Variants in TRIM71 observed in about 807,000 individuals in gnomAD.
TRIM71 encodes E3 ubiquitin-protein ligase TRIM71.
In TRIM71, 9 loss-of-function variants were observed where a neutral mutation model predicts 61.2. The ratio of observed to expected loss-of-function variants is 0.15; its 90% CI spans 0.09 to 0.26. TRIM71 has a LOEUF of 0.26. TRIM71 is among the 10% of genes least tolerant of loss of function. The probability of loss-of-function intolerance (pLI) is 1.00; values close to 1 mark genes in which losing one functional copy is unlikely to be tolerated. For synonymous variants in TRIM71, 645 were observed against 553.2 expected, an observed-to-expected ratio of 1.17 and a Z score of -2.33; for missense variants, 998 against 1,238.7, an observed-to-expected ratio of 0.81 and a Z score of 2.92.
chr3:32,886,082 C>T lies in TRIM71; in HGVS notation c.1155+14C>T, dbSNP rs1453654309. ...CTGCTGTGGAAGGTAACAGGGAGAG[C>T]TCCCCCACCCAGGCTGTGCCCACTC... On this transcript the variant is annotated intron_variant, in intron 3 of 3. Coordinates refer to ENST00000383763, the MANE Select transcript of TRIM71 (RefSeq NM_001039111.3). 6.2e-7 allele frequency: 1 copy of T among 1,607,800 alleles called. No homozygotes were observed. The highest frequency in any genetic ancestry group is 2.2e-5 in the East Asian group (1 of 44,846).
chr3:32,862,082 G>A (rs1696675366), intron 1 of TRIM71, among the ~76,000 whole-genome samples: 1 of 152,130 alleles, frequency 6.6e-6, no homozygotes, highest in Non-Finnish European at 1.5e-5. Context: ...GGGGGAGGAG[G>A]GGAGCAGGTG....
intron 1 of TRIM71, among the ~76,000 whole-genome samples, chr3:32,871,450 A>G (rs930546205): frequency 6.6e-6 from 1 of 152,234 alleles, no homozygotes; most frequent in African/African-American, 2.4e-5. Context: ...TTTTATTCAC[A>G]TGTACAAGAA....
At chr3:32,889,098 C>T (rs894705376) in intron 3 of TRIM71, among the ~76,000 whole-genome samples, 2 of 152,156 alleles carry the variant, frequency 1.3e-5, no homozygotes, top group African/African-American at 4.8e-5. Flanking sequence ...TGACATGATC[C>T]TTATTTCTTC....
At chr3:32,876,633 C>T (rs1696855223) in intron 2 of TRIM71, among the ~76,000 whole-genome samples, 1 of 152,150 alleles carries the variant, frequency 6.6e-6, no homozygotes, top group Admixed American at 6.5e-5. Context: ...TAGGTCTGAA[C>T]TCCTAGATTG....
intron 1 of TRIM71, among the ~76,000 whole-genome samples, chr3:32,841,600 G>A (rs546867372): frequency 6.6e-6 from 1 of 152,234 alleles, no homozygotes; most frequent in East Asian, 1.9e-4. Flanking sequence ...CGTGGGCCAC[G>A]AGTGAGGCCC....
chr3:32,830,842 G>GT (rs1365784836), intron 1 of TRIM71, among the ~76,000 whole-genome samples: 2 of 152,146 alleles, frequency 1.3e-5, no homozygotes, highest in East Asian at 1.9e-4. Flanking sequence ...ATGTTTGTTT[G>GT]TTTTTTTGCT....
In TRIM71 at chr3:32,874,586, G is replaced by A. The variant is rs962947202; in HGVS notation, c.1020+601G>A. Among the ~76,000 whole-genome samples, 10 of 152,040 alleles carry A rather than the reference G, an allele frequency of 6.6e-5. No homozygotes were observed. The East Asian group carries it at 1.5e-3, about 24-fold the overall frequency. On this transcript the variant is annotated intron_variant, in intron 2 of 3. Coordinates refer to ENST00000383763, the MANE Select transcript of TRIM71 (RefSeq NM_001039111.3). ...TGCCCAGGCTGGAGTGCAGTGGCAC[G>A]ATCTCGGCTCACTGCAAGCTCCGCC...
chr3:32,849,783 A>G (rs1488388940), intron 1 of TRIM71, among the ~76,000 whole-genome samples: 1 of 152,128 alleles, frequency 6.6e-6, no homozygotes, highest in Non-Finnish European at 1.5e-5. Context: ...TGGATTCTTA[A>G]CTTTTTTGTC....
At chr3:32,855,998 A>ATTTG (rs1696599668) in intron 1 of TRIM71, among the ~76,000 whole-genome samples, 1 of 151,588 alleles carries the variant, frequency 6.6e-6, no homozygotes, top group South Asian at 2.1e-4. Context: ...AGTTTTATTT[A>ATTTG]TTTATTTATT....
At chr3:32,867,623 C>T (rs1450809827) in intron 1 of TRIM71, among the ~76,000 whole-genome samples, 1 of 152,114 alleles carries the variant, frequency 6.6e-6, no homozygotes, top group East Asian at 1.9e-4. Context: ...CAGCCAGAAT[C>T]TTACATATTT....
At chr3:32,859,496 G>A (rs1263989553) in intron 1 of TRIM71, among the ~76,000 whole-genome samples, 1 of 152,166 alleles carries the variant, frequency 6.6e-6, no homozygotes, top group Non-Finnish European at 1.5e-5. Flanking sequence ...GACTTCAGGT[G>A]ATCCGCCTGC....
chr3:32,824,594 C>A (rs1274406559), intron 1 of TRIM71, among the ~76,000 whole-genome samples: 3 of 152,170 alleles, frequency 2.0e-5, no homozygotes, highest in Admixed American at 6.5e-5. Flanking sequence ...AGAGATCCTC[C>A]TGCCTGTGTC....
intron 1 of TRIM71, among the ~76,000 whole-genome samples, chr3:32,841,926 T>G (rs890194827): frequency 6.6e-6 from 1 of 152,174 alleles, no homozygotes; most frequent in Non-Finnish European, 1.5e-5. Flanking sequence ...CCTCCCAAAA[T>G]GCATGTGCCA....
At chr3:32,855,704 C>A (rs187663665) in intron 1 of TRIM71, among the ~76,000 whole-genome samples, 2 of 152,128 alleles carry the variant, frequency 1.3e-5, no homozygotes, top group Admixed American at 1.3e-4. Flanking sequence ...GGAGGGAGAC[C>A]CTGGCTGAGA....
chr3:32,881,895 A>G (rs1379998205), intron 2 of TRIM71, among the ~76,000 whole-genome samples: 1 of 152,224 alleles, frequency 6.6e-6, no homozygotes, highest in Non-Finnish European at 1.5e-5. Context: ...TGCATTGGGT[A>G]GGGCTTTTGT....
At chr3:32,880,634 A>G (rs1021477214) in intron 2 of TRIM71, among the ~76,000 whole-genome samples, 1 of 152,220 alleles carries the variant, frequency 6.6e-6, no homozygotes, top group Non-Finnish European at 1.5e-5. Flanking sequence ...GGCCATAACA[A>G]GAACAGCATG....
chr3:32,861,525 A>C (rs9841562), intron 1 of TRIM71, among the ~76,000 whole-genome samples: 2,054 of 151,984 alleles, frequency 0.014, 56 homozygotes, highest in African/African-American at 0.047. Flanking sequence ...TCCGGAGTTC[A>C]AGACCAGCCT....
At position 32,891,731 on chromosome 3, in the gene TRIM71, C is replaced by T. The variant is rs1211760937; in HGVS notation, c.2527C>T (p.Arg843Cys). 4 of 1,614,112 alleles carry T rather than the reference C, an allele frequency of 2.5e-6. No homozygotes were observed. The highest frequency in any genetic ancestry group is 2.2e-5 in the East Asian group (1 of 44,878). The part of the protein sequence containing the change: ...AQGSGFGQMD[R>C]PSGIAITPDG... Reference sequence around the variant, plus strand: ...AGGCAGCGGCTTTGGGCAGATGGACCGCCCTTCCGGCATCGCCATCACCCC... The same window carrying T: ...AGGCAGCGGCTTTGGGCAGATGGACTGCCCTTCCGGCATCGCCATCACCCC... Residue 843 changes from arginine (R) to cysteine (C), a missense_variant, in exon 4 of 4, where the codon CGC (arginine) becomes TGC (cysteine). By Grantham distance (180) the Arg-to-Cys change is radical. Around this residue, in one of 5 missense-constraint regions of TRIM71, gnomAD observed 95 missense variants for 159.0 expected, o/e 0.60. Transcript: ENST00000383763. The surrounding 1 kb of genome is among the most constrained non-coding windows in gnomAD (Gnocchi z 8.2).
chr3:32,824,576 C>T (rs771598868), intron 1 of TRIM71, among the ~76,000 whole-genome samples: 6 of 152,132 alleles, frequency 3.9e-5, no homozygotes, highest in Non-Finnish European at 7.4e-5. Flanking sequence ...CTTGACTTCT[C>T]AGGCTTAAGA....
Sources: allele counts gnomAD v4.1 joint callset (sites outside exome capture counted in the v4.1 genomes callset), GRCh38; gene constraint gnomAD v4.1.1; regional missense constraint gnomAD v4.1.1; non-coding constraint Gnocchi (gnomAD v3.1); transcripts MANE v1.5; gene names NCBI Gene and HGNC (gene_info 2026-07-23, HGNC 2026-07-21).